PKD1L1: variants seen among roughly 807,000 people sequenced by gnomAD.
PKD1L1 encodes polycystin-1-like protein 1.
A neutral mutation model predicts 323.4 loss-of-function variants in PKD1L1; 236 were observed. The observed-to-expected ratio is 0.73, with a 90% CI of 0.66 to 0.81. The LOEUF is 0.81. PKD1L1 is among the 40% of genes least tolerant of loss of function. The probability of loss-of-function intolerance (pLI) is 0.00; values close to 1 mark genes in which losing one functional copy is unlikely to be tolerated. For missense variants in PKD1L1, 3,320 were observed against 3,508.0 expected (o/e 0.95, Z 1.35); for synonymous variants, 1,344 against 1,335.0 (o/e 1.01, Z -0.15).
chr7:47,864,822 G>A (rs139088619), intron 26 of PKD1L1, among the ~76,000 whole-genome samples: 309 of 151,682 alleles, frequency 2.0e-3, no homozygotes, highest in South Asian at 4.6e-3. Flanking sequence ...GGCTTCAAGC[G>A]ATTCTCCTGT....
chr7:47,905,798 G>A (rs371335752), intron 10 of PKD1L1, 45 bp downstream of exon 10: 56 of 1,607,806 alleles, frequency 3.5e-5, no homozygotes, highest in African/African-American at 3.2e-4. Flanking sequence ...AGCTGACTGC[G>A]CGAGGGAGGT....
At chr7:47,807,576 G>A (rs1007104466) in intron 52 of PKD1L1, among the ~76,000 whole-genome samples, 1 of 152,174 alleles carries the variant, frequency 6.6e-6, no homozygotes, top group African/African-American at 2.4e-5. Context: ...AGCAGGGCAA[G>A]GAGGCAGAGT....
At chr7:47,949,080 G>GT (rs958453804), upstream of PKD1L1, among the ~76,000 whole-genome samples, 3 of 152,074 alleles carry the variant, frequency 2.0e-5, no homozygotes, top group African/African-American at 7.2e-5. Flanking sequence ...ATAAAAAGCT[G>GT]TAACTGTTGG....
At chr7:47,825,109 A>AT (rs34505650) in intron 45 of PKD1L1, among the ~76,000 whole-genome samples, 1 of 152,182 alleles carries the variant, frequency 6.6e-6, no homozygotes, top group Admixed American at 6.5e-5. Context: ...ATGTGGTCAC[A>AT]TTTTTGGATT....
intron 55 of PKD1L1, chr7:47,795,279 C>T (rs1784493641): frequency 2.2e-6 from 1 of 445,760 alleles, no homozygotes; most frequent in Non-Finnish European, 4.5e-6. Context: ...AGGGGCTGGT[C>T]TTTCTCATGC....
chr7:47,876,789 AT>A (rs978957079), intron 22 of PKD1L1, among the ~76,000 whole-genome samples: 16 of 151,178 alleles, frequency 1.1e-4, no homozygotes, highest in Non-Finnish European at 1.6e-4. Context: ...CTTTTTTTAA[AT>A]TTTTTTTTGA....
chr7:47,905,908 A>G lies in PKD1L1; in HGVS notation c.1457T>C (p.Ile486Thr). 1.2e-6 allele frequency: 2 copies of G among 1,613,876 alleles called. No individual in the cohort carries two copies. The highest frequency in any genetic ancestry group is 1.7e-6 in the Non-Finnish European group (2 of 1,179,886). Residue 486 changes from isoleucine to threonine, a missense_variant, in exon 10 of 57, where the codon ATT (isoleucine) becomes ACT (threonine). Transcript: ENST00000289672. ...PSIPSYNVSF[I>T]SQTQVGDSQA... ...GCTGTCACCCACTTGAGTCTGAGAA[A>G]TAAAGGACACGTTATATGAAGGAAT...
Position 47,833,257 on chromosome 7 carries a change from A to G in PKD1L1, c.6175-5T>C. 1 of 1,611,374 alleles carries G rather than the reference A, an allele frequency of 6.2e-7. No homozygotes were observed. Among genetic ancestry groups the G allele is most frequent in the Non-Finnish European group, 8.5e-7 (1 of 1,178,600 alleles). On this transcript the variant is annotated splice_polypyrimidine_tract_variant and splice_region_variant and intron_variant, in intron 40 of 56. Coordinates refer to ENST00000289672, the MANE Select transcript of PKD1L1 (RefSeq NM_138295.5). ...GAGAATGGCTGATGCAGGTTGCTAGAATGACAAGGTCATGCCAAGGTTAAT... is the reference window on the plus strand; with the variant it reads ...GAGAATGGCTGATGCAGGTTGCTAGGATGACAAGGTCATGCCAAGGTTAAT...
At chr7:47,877,439 G>C (rs1786432121) in intron 22 of PKD1L1, 50 bp downstream of exon 22, 1 of 1,603,870 alleles carries the variant, frequency 6.2e-7, no homozygotes, top group African/African-American at 1.3e-5. Flanking sequence ...GTGACTGCCA[G>C]ATGCCACTGT....
chr7:47,781,907 A>G (rs1786706423), intron 56 of PKD1L1, among the ~76,000 whole-genome samples: 2 of 152,166 alleles, frequency 1.3e-5, no homozygotes, highest in South Asian at 4.1e-4. Context: ...CATCGGTAAC[A>G]TTGTCAAAAA....
intron 56 of PKD1L1, among the ~76,000 whole-genome samples, chr7:47,790,334 A>ATTTTTTTTTTT (rs35927380): frequency 3.4e-5 from 5 of 146,430 alleles, no homozygotes; most frequent in African/African-American, 1.3e-4. Flanking sequence ...TAAATAAATA[A>ATTTTTTTTTTT]TTTTTTTTTT....
rs141248356 is a variant in PKD1L1, at chr7:47,945,275, T to C, written c.45-1764A>G. Among the ~76,000 whole-genome samples the C allele has an allele frequency of 6.5e-3, 985 of 152,336 alleles. 18 individuals are homozygous for C. Among genetic ancestry groups the C allele is most frequent in the African/African-American group, 0.022 (928 of 41,572 alleles). On this transcript the variant is annotated intron_variant, in intron 1 of 56. Coordinates refer to ENST00000289672, the MANE Select transcript of PKD1L1 (RefSeq NM_138295.5). The stretch of plus-strand genomic sequence containing the variant: ...TTAGAATTCTCTTTTTTACCTGTCT[T>C]GGATGTCTATAAAGTCTAGAGGATA...
At position 47,886,318 on chromosome 7, in the gene PKD1L1, G is replaced by A. The variant is rs73692897; in HGVS notation, c.2837-264C>T. Reference sequence around the variant, plus strand: ...CCTGACGTTTGCTCTTCCAAGTCGGGGGGGAGGGATCTGCTGAATCCTATG... The same window carrying A: ...CCTGACGTTTGCTCTTCCAAGTCGGAGGGGAGGGATCTGCTGAATCCTATG... On this transcript the variant is annotated intron_variant, in intron 17 of 56. Transcript: ENST00000289672. 5.9e-5 allele frequency among the ~76,000 whole-genome samples: 9 copies of A among 152,154 alleles called. No homozygotes were observed. The East Asian group carries it at 9.7e-4, about 16-fold the overall frequency.
intron 55 of PKD1L1, 105 bp from the exon 56 acceptor site, chr7:47,792,902 G>T: frequency 9.2e-7 from 1 of 1,089,236 alleles, no homozygotes; most frequent in Non-Finnish European, 1.3e-6. Flanking sequence ...ACAGTATTGG[G>T]CTATGTTAGG....
intron 37 of PKD1L1, 113 bp downstream of exon 37, chr7:47,836,808 C>T (rs1458820142): frequency 8.3e-6 from 11 of 1,327,052 alleles, no homozygotes; most frequent in Non-Finnish European, 1.0e-5. Context: ...GCTTGCTTCC[C>T]CTGGTTTAAA....
At chr7:47,960,415 G>A in the PKD1L1 span, among the ~76,000 whole-genome samples, 47,306 of 107,264 alleles carry the variant, frequency 0.44, 10,922 homozygotes, top group Non-Finnish European at 0.51. Context: ...GAAAAAAAAA[G>A]AGCTCCATAT....
rs1307402652 is a variant in PKD1L1 at position 47,933,348 on chromosome 7, C to T, written c.399-1292G>A. Reference sequence around the variant, plus strand: ...AACAACTTCTGTAATTGCCCCCTTCCTGAGTCGTCATTTTTTCTTTAAAAC... The same window carrying T: ...AACAACTTCTGTAATTGCCCCCTTCTTGAGTCGTCATTTTTTCTTTAAAAC... On this transcript the variant is annotated intron_variant, in intron 4 of 56. Transcript: ENST00000289672. 2.6e-5 allele frequency among the ~76,000 whole-genome samples: 4 copies of T among 152,172 alleles called. No homozygotes were observed. The East Asian group carries it at 7.7e-4, about 29-fold the overall frequency.
At chr7:47,858,042 T>G (rs575506157) in intron 27 of PKD1L1, among the ~76,000 whole-genome samples, 4 of 152,146 alleles carry the variant, frequency 2.6e-5, no homozygotes, top group Non-Finnish European at 4.4e-5. Flanking sequence ...ATGATGATTA[T>G]TAGTAGGTTC....
intron 46 of PKD1L1, among the ~76,000 whole-genome samples, chr7:47,816,208 A>T (rs1054946724): frequency 6.6e-6 from 1 of 152,222 alleles, no homozygotes; most frequent in Admixed American, 6.5e-5. Context: ...AGATGTGAAG[A>T]CATAGATGAA....
Sources: gnomAD v4.1 joint callset for allele counts (sites outside exome capture counted in the v4.1 genomes callset) on GRCh38, gnomAD v4.1.1 for gene constraint, MANE v1.5 for transcripts, NCBI Gene and HGNC (gene_info 2026-07-23, HGNC 2026-07-21) for gene names.